Variants in AUTS2 observed in about 807,000 individuals in gnomAD.
AUTS2 encodes activator of transcription and developmental regulator AUTS2.
In AUTS2, 17 loss-of-function variants were observed where a neutral mutation model predicts 112.4. The ratio of observed to expected loss-of-function variants is 0.15; its 90% CI spans 0.10 to 0.23. The LOEUF (loss-of-function observed/expected upper bound fraction) is 0.23, where lower values mean the gene tolerates loss of function less well. AUTS2 is among the 10% of genes least tolerant of loss of function. The pLI is 1.00. For missense variants in AUTS2, 1,510 were observed against 1,701.6 expected (o/e 0.89, Z 1.98); for synonymous variants, 751 against 702.7 (o/e 1.07, Z -1.09).
intron 4 of AUTS2, among the ~76,000 whole-genome samples, chr7:70,266,374 G>T (rs1215837206): frequency 1.3e-5 from 2 of 152,174 alleles, no homozygotes; most frequent in African/African-American, 4.8e-5. Context: ...CTGAAATGGG[G>T]AGTGATTGCT....
intron 2 of AUTS2, among the ~76,000 whole-genome samples, chr7:69,989,690 G>A (rs1316402038): frequency 6.6e-6 from 1 of 152,238 alleles, no homozygotes; most frequent in East Asian, 1.9e-4. Flanking sequence ...AAGTAGACTA[G>A]GGGAAGAAGA....
At chr7:70,018,224 CCT>C (rs1800118619) in intron 2 of AUTS2, among the ~76,000 whole-genome samples, 2 of 151,506 alleles carry the variant, frequency 1.3e-5, no homozygotes. Context: ...TTTTTTAACG[CCT>C]TTAACTACCA....
At chr7:69,769,805 G>A (rs1788585620) in intron 1 of AUTS2, among the ~76,000 whole-genome samples, 1 of 152,146 alleles carries the variant, frequency 6.6e-6, no homozygotes, top group South Asian at 2.1e-4. Flanking sequence ...GCATTAGGAG[G>A]GTCCAGTGAA....
At chr7:69,804,844 G>C (rs1049954789) in intron 1 of AUTS2, among the ~76,000 whole-genome samples, 1 of 152,224 alleles carries the variant, frequency 6.6e-6, no homozygotes, top group East Asian at 1.9e-4. Flanking sequence ...TTGCAATGCA[G>C]ATTTCCAAGG....
At chr7:70,569,814 A>C (rs912026386) in intron 5 of AUTS2, among the ~76,000 whole-genome samples, 5 of 152,250 alleles carry the variant, frequency 3.3e-5, no homozygotes, top group African/African-American at 1.2e-4. Context: ...CCACTGAGAT[A>C]AAGGCAAAAA....
intron 2 of AUTS2, among the ~76,000 whole-genome samples, chr7:69,906,307 C>T (rs1795146493): frequency 6.6e-6 from 1 of 152,184 alleles, no homozygotes; most frequent in South Asian, 2.1e-4. Context: ...TGAAATAAGC[C>T]TCTGTACATT....
At chr7:70,032,974 A>G (rs1166102872) in intron 2 of AUTS2, among the ~76,000 whole-genome samples, 2 of 152,174 alleles carry the variant, frequency 1.3e-5, no homozygotes, top group African/African-American at 4.8e-5. Context: ...AAATATCCAG[A>G]ATAGGCAAAT....
At chr7:69,923,026 G>A (rs182272008) in intron 2 of AUTS2, among the ~76,000 whole-genome samples, 3 of 152,266 alleles carry the variant, frequency 2.0e-5, no homozygotes, top group Admixed American at 1.3e-4. Flanking sequence ...TCACAGATTG[G>A]TATGCGTTGG....
intron 1 of AUTS2, among the ~76,000 whole-genome samples, chr7:69,675,057 C>T (rs1025641336): frequency 1.3e-5 from 2 of 152,152 alleles, no homozygotes; most frequent in African/African-American, 2.4e-5. Context: ...ACTGGTCTGA[C>T]CACAGTTTAC....
intron 1 of AUTS2, among the ~76,000 whole-genome samples, chr7:69,698,217 A>G (rs1444279991): frequency 1.3e-5 from 2 of 152,288 alleles, no homozygotes; most frequent in African/African-American, 4.8e-5. Flanking sequence ...TGTATATGCG[A>G]AAAATTGAGT....
intron 1 of AUTS2, among the ~76,000 whole-genome samples, chr7:69,654,096 C>T (rs1298337445): frequency 2.6e-5 from 4 of 152,242 alleles, no homozygotes; most frequent in African/African-American, 9.6e-5. Context: ...GAGAGCTGCT[C>T]TTAACCAGCC....
chr7:69,752,533 A>G (rs1269001963), intron 1 of AUTS2, among the ~76,000 whole-genome samples: 1 of 152,214 alleles, frequency 6.6e-6, no homozygotes. Flanking sequence ...AAGGCTTTTA[A>G]TCAATGCCGC....
chr7:70,396,971 C>A lies in AUTS2; in HGVS notation c.661-38781C>A, dbSNP rs150684058. On this transcript the variant is annotated intron_variant, in intron 4 of 18. Transcript: ENST00000342771. ...CAAACTGTTTTCCAGAGTGGTTGTA[C>A]CGTCTTACATTTCCACCAACCGTGT... Among the ~76,000 whole-genome samples, 401 of 152,184 alleles carry A rather than the reference C, an allele frequency of 2.6e-3. 2 individuals carry two copies. Among genetic ancestry groups the A allele is most frequent in the African/African-American group, 9.1e-3 (378 of 41,534 alleles).
At chr7:70,630,438 T>C (rs771366728) in intron 5 of AUTS2, among the ~76,000 whole-genome samples, 11 of 152,242 alleles carry the variant, frequency 7.2e-5, no homozygotes, top group Non-Finnish European at 1.3e-4. Context: ...AAGTAAATTG[T>C]GTTCTCGGCT....
chr7:70,657,720 C>CT (rs544547001), intron 5 of AUTS2, among the ~76,000 whole-genome samples: 11 of 152,150 alleles, frequency 7.2e-5, no homozygotes, highest in Non-Finnish European at 1.6e-4. Context: ...GTCATCAGGG[C>CT]TTTTTTTCCA....
chr7:69,863,994 T>C (rs997432303), intron 1 of AUTS2, among the ~76,000 whole-genome samples: 1 of 152,206 alleles, frequency 6.6e-6, no homozygotes, highest in African/African-American at 2.4e-5. Flanking sequence ...TGACTTGGGC[T>C]ATGGTTCTGA....
intron 4 of AUTS2, among the ~76,000 whole-genome samples, chr7:70,307,768 A>G (rs1789553750): frequency 6.6e-6 from 1 of 152,214 alleles, no homozygotes; most frequent in Non-Finnish European, 1.5e-5. Context: ...GCAATTTCAG[A>G]TCTCTGCAAA....
intron 6 of AUTS2, among the ~76,000 whole-genome samples, chr7:70,758,788 T>TGGA (rs1789380854): frequency 6.6e-6 from 1 of 152,218 alleles, no homozygotes; most frequent in African/African-American, 2.4e-5. Context: ...CTGCCAATTT[T>TGGA]GGAGAAGTAC....
At position 70,773,047 on chromosome 7, in the gene AUTS2, A is replaced by G. The variant is rs567297335; in HGVS notation, c.1831-981A>G. 1.2e-4 allele frequency among the ~76,000 whole-genome samples: 18 copies of G among 152,358 alleles called. No individual in the cohort carries two copies. The South Asian group carries it at 3.5e-3, about 30-fold the overall frequency. On this transcript the variant is annotated intron_variant, in intron 11 of 18. Coordinates refer to ENST00000342771, the MANE Select transcript of AUTS2 (RefSeq NM_015570.4). ...TAGGCCTTTCCAGGCCATCGTCCTG[A>G]TTGAATATGTAGATTGCAGTTCATT...
Sources: allele counts gnomAD v4.1 joint callset (sites outside exome capture counted in the v4.1 genomes callset), GRCh38; gene constraint gnomAD v4.1.1; transcripts MANE v1.5; gene names NCBI Gene and HGNC (gene_info 2026-07-23, HGNC 2026-07-21).